The following PROS1 variants were observed in gnomAD, a reference collection of about 807,000 sequenced individuals.
PROS1 encodes the protein protein S, also known as vitamin K-dependent protein S.
A neutral mutation model predicts 75.9 loss-of-function variants in PROS1; 29 were observed. That is an observed-to-expected ratio of 0.38 (90% confidence interval 0.28 to 0.52). PROS1 has a LOEUF of 0.52. Among genes scored for constraint, PROS1 ranks in the 20% least tolerant of loss-of-function variants. PROS1 has a pLI of 0.83. For synonymous variants in PROS1, 245 were observed against 280.6 expected (o/e 0.87, Z 1.27); for missense variants, 680 against 810.3 (o/e 0.84, Z 1.95).
chr3:93,948,469 C>T (rs1407815358), intron 1 of PROS1, among the ~76,000 whole-genome samples: 1 of 152,106 alleles, frequency 6.6e-6, no homozygotes, highest in Non-Finnish European at 1.5e-5. Flanking sequence ...TCCTTGTTAA[C>T]TTTCTGTCTC....
At chr3:93,965,334 G>A (rs1035528014) in intron 1 of PROS1, among the ~76,000 whole-genome samples, 4 of 152,200 alleles carry the variant, frequency 2.6e-5, no homozygotes, top group African/African-American at 9.7e-5. Flanking sequence ...TCCGGATCCG[G>A]AAGGGTGTCC....
In PROS1 at chr3:93,892,968, C is replaced by T; in HGVS notation, c.1120G>A (p.Gly374Arg). Reference sequence around the variant, plus strand: ...AGACCATTATTAATAACATCACCTCCAGTTGTGATTTTGGATGTATGTTCA... The same window carrying T: ...AGACCATTATTAATAACATCACCTCTAGTTGTGATTTTGGATGTATGTTCA... Reference protein sequence around the residue: ...KNEHTSKITTGGDVINNGLWN... With the variant: ...KNEHTSKITTRGDVINNGLWN... The change falls in exon 10 of 15, where the codon GGA (glycine) becomes AGA (arginine). Residue 374 changes from glycine to arginine, a missense_variant. Coordinates refer to ENST00000394236, the MANE Select transcript of PROS1 (RefSeq NM_000313.4). 1 of 1,612,714 alleles carries T rather than the reference C, an allele frequency of 6.2e-7. No individual in the cohort carries two copies. The highest frequency in any genetic ancestry group is 1.7e-5 in the Admixed American group (1 of 60,024).
chr3:93,889,851 A>G (rs1304611234), intron 10 of PROS1, among the ~76,000 whole-genome samples: 1 of 152,200 alleles, frequency 6.6e-6, no homozygotes, highest in African/African-American at 2.4e-5. Flanking sequence ...GTTTAACAAT[A>G]TGAAATCAGT....
intron 1 of PROS1, among the ~76,000 whole-genome samples, chr3:93,956,533 T>C (rs372105407): frequency 3.5e-5 from 4 of 113,330 alleles, no homozygotes; most frequent in Admixed American, 9.6e-5. Flanking sequence ...TCTCTCTCTC[T>C]ACACACACAC....
chr3:93,891,851 T>G (rs1708435074), intron 10 of PROS1, among the ~76,000 whole-genome samples: 1 of 151,852 alleles, frequency 6.6e-6, no homozygotes, highest in Non-Finnish European at 1.5e-5. Flanking sequence ...TTCCTTGAGT[T>G]CAAGACCAGC....
intron 10 of PROS1, among the ~76,000 whole-genome samples, chr3:93,888,433 TATA>T (rs1421936722): frequency 3.3e-5 from 5 of 152,190 alleles, no homozygotes; most frequent in Non-Finnish European, 7.3e-5. Flanking sequence ...TCCATATTAA[TATA>T]ATAATGACAG....
intron 6 of PROS1, among the ~76,000 whole-genome samples, chr3:93,901,900 TTTAA>T (rs1271575265): frequency 6.6e-6 from 1 of 152,216 alleles, no homozygotes; most frequent in Admixed American, 6.5e-5. Flanking sequence ...CATGTGAATC[TTTAA>T]TTAATTCAAA....
chr3:93,890,148 G>A (rs1046265051), intron 10 of PROS1, among the ~76,000 whole-genome samples: 5 of 152,120 alleles, frequency 3.3e-5, no homozygotes, highest in Admixed American at 6.6e-5. Flanking sequence ...AAATACGCCC[G>A]GGTCTCCTGC....
At chr3:93,943,461 A>G (rs1158804505) in intron 1 of PROS1, among the ~76,000 whole-genome samples, 3 of 151,918 alleles carry the variant, frequency 2.0e-5, no homozygotes, top group African/African-American at 2.4e-5. Context: ...TATACAACCA[A>G]TGTCACTTCT....
chr3:93,939,683 G>A (rs1211877625), intron 1 of PROS1, among the ~76,000 whole-genome samples: 1 of 151,900 alleles, frequency 6.6e-6, no homozygotes, highest in Admixed American at 6.6e-5. Flanking sequence ...TAGTGTTTAG[G>A]CTCTTTTTCA....
chr3:93,896,585 T>C lies in PROS1; in HGVS notation c.956A>G (p.Glu319Gly), dbSNP rs1418105945. 1.2e-6 allele frequency: 2 copies of C among 1,608,586 alleles called. No homozygotes were observed. Among genetic ancestry groups the C allele is most frequent in the Non-Finnish European group, 8.5e-7 (1 of 1,175,070 alleles). ...VVLYLKFRLPEISRFSAEFDF... is the reference protein window; with the variant it reads ...VVLYLKFRLPGISRFSAEFDF... ...GGTATTGGTTCCTCACCTGCTGATT[T>C]CTGGCAAACGAAATTTTAAATATAA... Residue 319 changes from glutamate to glycine, a missense_variant, in exon 9 of 15, where the codon GAA becomes GGA. Physicochemically the swap from Glu to Gly is moderately conservative, Grantham distance 98. Coordinates refer to ENST00000394236, the MANE Select transcript of PROS1 (RefSeq NM_000313.4).
At chr3:93,877,246 A>T in intron 13 of PROS1, 55 bp from the exon 14 acceptor site, 1 of 1,370,728 alleles carries the variant, frequency 7.3e-7, no homozygotes, top group South Asian at 1.2e-5. Context: ...AATGCTGCTT[A>T]AGAGTGACTT....
chr3:93,909,693 T>C (rs1284802718), intron 4 of PROS1, among the ~76,000 whole-genome samples: 1 of 152,158 alleles, frequency 6.6e-6, no homozygotes, highest in East Asian at 1.9e-4. Context: ...CAATACTGCC[T>C]ATATTTCTAT....
chr3:93,928,910 T>C (rs1201017800), intron 1 of PROS1: 3 of 359,836 alleles, frequency 8.3e-6, no homozygotes, highest in Admixed American at 8.9e-5. Context: ...TATTTTTGCA[T>C]ATTAGACTGG....
chr3:93,913,298 G>C (rs980726335), intron 3 of PROS1, among the ~76,000 whole-genome samples: 8 of 152,188 alleles, frequency 5.3e-5, no homozygotes, highest in African/African-American at 1.7e-4. Flanking sequence ...CATGTGTCAA[G>C]GGCAGGGCCA....
intron 1 of PROS1, among the ~76,000 whole-genome samples, chr3:93,938,905 C>T (rs1576204827): frequency 6.6e-6 from 1 of 152,122 alleles, no homozygotes; most frequent in South Asian, 2.1e-4. Flanking sequence ...GGTGGGAATG[C>T]CTGCTTTGGC....
intron 1 of PROS1, among the ~76,000 whole-genome samples, chr3:93,932,107 C>T (rs1000494039): frequency 7.9e-5 from 12 of 152,206 alleles, no homozygotes; most frequent in African/African-American, 2.9e-4. Context: ...CAAAGTTCTT[C>T]TGCCCAAAAA....
intron 1 of PROS1, among the ~76,000 whole-genome samples, chr3:93,943,435 C>A (rs1265955512): frequency 6.6e-6 from 1 of 152,030 alleles, no homozygotes; most frequent in Non-Finnish European, 1.5e-5. Context: ...TGTATCCAGG[C>A]CATCACCAAC....
intron 7 of PROS1, 40 bp from the exon 8 acceptor site, chr3:93,898,609 C>A (rs554224498): frequency 2.5e-6 from 4 of 1,606,258 alleles, no homozygotes; most frequent in Admixed American, 1.7e-5. Flanking sequence ...CTTTAATATC[C>A]CCTAAATGTT....
Sources: allele counts gnomAD v4.1 joint callset (sites outside exome capture counted in the v4.1 genomes callset), GRCh38; gene constraint gnomAD v4.1.1; transcripts MANE v1.5; gene names NCBI Gene and HGNC (gene_info 2026-07-23, HGNC 2026-07-21).